Variants in LRP1B observed in about 807,000 individuals in gnomAD.
LRP1B encodes the protein LDL receptor related protein 1B, also known as low-density lipoprotein receptor-related protein 1B.
Under a neutral mutation model 556.6 loss-of-function variants are expected in LRP1B, and 217 were observed. The ratio of observed to expected loss-of-function variants is 0.39; its 90% CI spans 0.35 to 0.44. LRP1B has a LOEUF of 0.44. Among genes scored for constraint, LRP1B ranks in the 20% least tolerant of loss-of-function variants. LRP1B has a pLI of 1.00. For synonymous variants in LRP1B, 2,047 were observed against 1,865.8 expected, an observed-to-expected ratio of 1.10 and a Z score of -2.50; for missense variants, 5,053 against 5,620.8, an observed-to-expected ratio of 0.90 and a Z score of 3.23.
chr2:140,679,810 G>A (rs1685798627), intron 41 of LRP1B, among the ~76,000 whole-genome samples: 1 of 152,206 alleles, frequency 6.6e-6, no homozygotes, highest in East Asian at 1.9e-4. Context: ...CCTAAAGCAA[G>A]CTTCTCCAAC....
At chr2:141,089,710 A>G (rs1700131078) in intron 7 of LRP1B, among the ~76,000 whole-genome samples, 1 of 152,180 alleles carries the variant, frequency 6.6e-6, no homozygotes, top group Non-Finnish European at 1.5e-5. Flanking sequence ...GGGAGTTGGG[A>G]TATTTATATA....
intron 1 of LRP1B, among the ~76,000 whole-genome samples, chr2:141,972,539 A>T (rs113574559): frequency 3.3e-5 from 5 of 151,486 alleles, no homozygotes; most frequent in African/African-American, 9.7e-5. Context: ...TATTTTCAAA[A>T]TTAGGCAACG....
chr2:141,458,460 G>A (rs1325823122), intron 3 of LRP1B, among the ~76,000 whole-genome samples: 1 of 152,124 alleles, frequency 6.6e-6, no homozygotes, highest in Non-Finnish European at 1.5e-5. Context: ...TCTCTCTAGG[G>A]CGTGAAATGG....
chr2:141,789,930 C>T (rs1037923831), intron 2 of LRP1B, among the ~76,000 whole-genome samples: 3 of 151,834 alleles, frequency 2.0e-5, no homozygotes, highest in African/African-American at 7.3e-5. Flanking sequence ...TAACCAGCGT[C>T]GATATGTTAC....
At chr2:141,102,332 A>G (rs1183040303) in intron 7 of LRP1B, among the ~76,000 whole-genome samples, 3 of 152,152 alleles carry the variant, frequency 2.0e-5, no homozygotes, top group African/African-American at 7.2e-5. Flanking sequence ...CTCTGTTTAT[A>G]TTGTACAGGT....
intron 1 of LRP1B, among the ~76,000 whole-genome samples, chr2:141,834,021 T>C (rs1697190339): frequency 6.6e-6 from 1 of 151,732 alleles, no homozygotes; most frequent in Non-Finnish European, 1.5e-5. Flanking sequence ...ACAAAGGCAC[T>C]TAGAGAAAAA....
chr2:140,437,974 G>C (rs1209244256), intron 66 of LRP1B, among the ~76,000 whole-genome samples: 1 of 152,032 alleles, frequency 6.6e-6, no homozygotes, highest in Non-Finnish European at 1.5e-5. Context: ...TACATAACAT[G>C]ATACTTGTTA....
intron 21 of LRP1B, among the ~76,000 whole-genome samples, chr2:140,910,183 TAA>T (rs1393592349): frequency 6.6e-6 from 1 of 151,396 alleles, no homozygotes; most frequent in Non-Finnish European, 1.5e-5. Context: ...TAATAGTAGT[TAA>T]AATACTTTTT....
At chr2:141,334,699 C>G (rs894724642) in intron 3 of LRP1B, among the ~76,000 whole-genome samples, 4 of 152,060 alleles carry the variant, frequency 2.6e-5, no homozygotes, top group African/African-American at 4.8e-5. Flanking sequence ...TTAAAGGCAC[C>G]CACCACTATG....
chr2:140,883,187 G>C (rs1403077977), intron 25 of LRP1B, among the ~76,000 whole-genome samples: 1 of 152,120 alleles, frequency 6.6e-6, no homozygotes, highest in Admixed American at 6.6e-5. Flanking sequence ...TGGAAATCCA[G>C]TGCCTCTCTT....
At position 141,944,567 on chromosome 2, in the gene LRP1B, T is replaced by C. The variant is rs533867479; in HGVS notation, c.83-134166A>G. ...GATAGCACAGTGATTTAAATTTGAC[T>C]CAAACTCTGCAAATCAAATACTGCC... On this transcript the variant is annotated intron_variant, in intron 1 of 90. Coordinates refer to ENST00000389484, the MANE Select transcript of LRP1B (RefSeq NM_018557.3). Among the ~76,000 whole-genome samples, 559 of 152,122 alleles carry C rather than the reference T, an allele frequency of 3.7e-3. 2 individuals carry two copies. Among genetic ancestry groups the C allele is most frequent in the Non-Finnish European group, 6.2e-3 (422 of 67,990 alleles).
intron 41 of LRP1B, among the ~76,000 whole-genome samples, chr2:140,641,637 T>C (rs574099806): frequency 3.3e-5 from 5 of 152,198 alleles, no homozygotes; most frequent in Non-Finnish European, 7.3e-5. Flanking sequence ...ACCTTCAGTG[T>C]CCTGTTCTGC....
intron 16 of LRP1B, 29 bp downstream of exon 16, chr2:140,993,966 A>G (rs938094340): frequency 6.2e-7 from 1 of 1,607,354 alleles, no homozygotes; most frequent in African/African-American, 1.3e-5. Flanking sequence ...GGAAAATACA[A>G]TTTTTAGGTG....
intron 1 of LRP1B, among the ~76,000 whole-genome samples, chr2:141,954,318 G>A (rs1389906633): frequency 1.3e-5 from 2 of 151,980 alleles, no homozygotes; most frequent in African/African-American, 2.4e-5. Flanking sequence ...ACTGCAAAGA[G>A]CAAATAAAGA....
At chr2:141,278,771 C>A (rs192244365) in intron 3 of LRP1B, among the ~76,000 whole-genome samples, 2 of 152,294 alleles carry the variant, frequency 1.3e-5, no homozygotes, top group Admixed American at 1.3e-4. Context: ...TCTGCCTAAA[C>A]TGGTCTTCTG....
At chr2:140,745,817 G>A (rs1442730885) in intron 35 of LRP1B, among the ~76,000 whole-genome samples, 2 of 152,074 alleles carry the variant, frequency 1.3e-5, no homozygotes, top group Non-Finnish European at 2.9e-5. Context: ...ATTATTACTT[G>A]TATTAGCTTA....
intron 74 of LRP1B, among the ~76,000 whole-genome samples, chr2:140,356,759 T>G (rs774733186): frequency 2.0e-5 from 3 of 151,580 alleles, no homozygotes; most frequent in Non-Finnish European, 4.4e-5. Context: ...AAGTCAGGAG[T>G]CAATGATTCT....
At chr2:141,212,668 T>C (rs1352153864) in intron 6 of LRP1B, among the ~76,000 whole-genome samples, 1 of 151,792 alleles carries the variant, frequency 6.6e-6, no homozygotes, top group East Asian at 1.9e-4. Flanking sequence ...GTGATGTAGA[T>C]CAAAAAGAAA....
intron 18 of LRP1B, among the ~76,000 whole-genome samples, chr2:140,964,262 A>G (rs1696128416): frequency 6.6e-6 from 1 of 152,256 alleles, no homozygotes; most frequent in South Asian, 2.1e-4. Flanking sequence ...ACAGGATGGA[A>G]CATGAAGGTG....
Sources: gnomAD v4.1 joint callset for allele counts (sites outside exome capture counted in the v4.1 genomes callset) on GRCh38, gnomAD v4.1.1 for gene constraint, MANE v1.5 for transcripts, NCBI Gene and HGNC (gene_info 2026-07-23, HGNC 2026-07-21) for gene names.